Variants in LRRC72 observed in about 807,000 individuals in gnomAD.
LRRC72 encodes the protein leucine rich repeat containing 72, also known as leucine-rich repeat-containing protein 72.
LRRC72 carries 41 observed loss-of-function variants against 35.8 expected under a neutral mutation model. That is an observed-to-expected ratio of 1.15 (90% confidence interval 0.89 to 1.49). The LOEUF (loss-of-function observed/expected upper bound fraction) is 1.49, where lower values mean the gene tolerates loss of function less well. Ranked by LOEUF, LRRC72 falls within the 40% of genes most tolerant of loss-of-function variation. LRRC72 has a pLI of 0.00. For missense variants in LRRC72, 389 were observed against 330.7 expected, an observed-to-expected ratio of 1.18 and a Z score of -1.37; for synonymous variants, 118 against 119.2, an observed-to-expected ratio of 0.99 and a Z score of 0.07.
intron 7 of LRRC72, 52 bp downstream of exon 7, chr7:16,567,595 C>T: frequency 7.6e-7 from 1 of 1,313,034 alleles, no homozygotes; most frequent in Non-Finnish European, 9.9e-7. Context: ...TAAAACTCCT[C>T]AAACTTTTGG....
At chr7:16,573,666 G>C (rs952940628) in intron 7 of LRRC72, among the ~76,000 whole-genome samples, 1 of 152,072 alleles carries the variant, frequency 6.6e-6, no homozygotes, top group Admixed American at 6.6e-5. Flanking sequence ...AGATGGATTA[G>C]AGACTTAAAT....
intron 7 of LRRC72, among the ~76,000 whole-genome samples, chr7:16,576,690 A>T (rs1783046667): frequency 6.6e-6 from 1 of 152,212 alleles, no homozygotes. Context: ...CTATATGTAA[A>T]TGTAGAAAGA....
intron 1 of LRRC72, among the ~76,000 whole-genome samples, chr7:16,531,139 C>T (rs1446402571): frequency 6.7e-6 from 1 of 149,950 alleles, no homozygotes; most frequent in African/African-American, 2.5e-5. Context: ...GCTGAAATCA[C>T]ACCACTGTAC....
At chr7:16,534,575 T>C (rs1782221035) in intron 2 of LRRC72, among the ~76,000 whole-genome samples, 1 of 152,068 alleles carries the variant, frequency 6.6e-6, no homozygotes, top group South Asian at 2.1e-4. Flanking sequence ...ACTTTAAAGT[T>C]TTAGTGTATT....
chr7:16,544,192 C>G (rs1302700134), intron 3 of LRRC72, among the ~76,000 whole-genome samples: 3 of 152,008 alleles, frequency 2.0e-5, no homozygotes, highest in Non-Finnish European at 4.4e-5. Context: ...AAATTTGAAG[C>G]CTAGTATGCT....
chr7:16,566,552 A>C, intron 6 of LRRC72, 150 bp downstream of exon 6: 1 of 530,950 alleles, frequency 1.9e-6, no homozygotes. Context: ...TCAATTATTT[A>C]TTTTTGAAAG....
intron 3 of LRRC72, among the ~76,000 whole-genome samples, chr7:16,539,168 G>C (rs1486247830): frequency 6.6e-6 from 1 of 152,198 alleles, no homozygotes; most frequent in Non-Finnish European, 1.5e-5. Flanking sequence ...CCACAATACT[G>C]ATAGTGATAT....
Position 16,567,399 on chromosome 7 carries a change from GA to G in LRRC72, c.531del (p.Glu178LysfsTer5). The G allele has an allele frequency of 6.7e-7, 1 of 1,486,088 alleles. No homozygotes were observed. Among genetic ancestry groups the G allele is most frequent in the Non-Finnish European group, 9.0e-7 (1 of 1,116,888 alleles). 92.1% of individuals were successfully genotyped at this position (1,486,088 alleles called of 1,614,324 possible). A position where few individuals can be genotyped will look rare whatever the true frequency, so the allele number is the denominator to read the frequency against. On this transcript the variant is annotated frameshift_variant, in exon 7 of 9. Transcript: ENST00000401542. LOFTEE classifies it high-confidence loss of function. ...CTTTTTGCATTTATCAGAAGTTACA[GA>G]AAAAGAAAGAAGATCAATGATTACC... ...VELLDRNQVT[E>X]KERRSMITIF...
chr7:16,541,141 C>T (rs1199647742), intron 3 of LRRC72, among the ~76,000 whole-genome samples: 2 of 152,126 alleles, frequency 1.3e-5, no homozygotes, highest in East Asian at 3.9e-4. Flanking sequence ...AGAGCAAGAC[C>T]GAACTAAAAT....
intron 5 of LRRC72, among the ~76,000 whole-genome samples, chr7:16,562,357 GA>G (rs939461331): frequency 2.6e-5 from 4 of 151,874 alleles, no homozygotes; most frequent in African/African-American, 7.3e-5. Flanking sequence ...AGTACTAAGG[GA>G]AAAAAACCAC....
At chr7:16,562,859 T>C (rs1219419743) in intron 5 of LRRC72, among the ~76,000 whole-genome samples, 1 of 152,200 alleles carries the variant, frequency 6.6e-6, no homozygotes, top group Non-Finnish European at 1.5e-5. Flanking sequence ...GATATTCTGA[T>C]CCCTCCTCTC....
intron 7 of LRRC72, among the ~76,000 whole-genome samples, chr7:16,568,922 T>C (rs1240309680): frequency 5.3e-5 from 8 of 152,124 alleles, no homozygotes. Context: ...CCAACTCAAT[T>C]ATTATTCAAG....
intron 4 of LRRC72, among the ~76,000 whole-genome samples, chr7:16,558,036 G>C (rs1782680396): frequency 6.6e-6 from 1 of 152,136 alleles, no homozygotes; most frequent in East Asian, 1.9e-4. Flanking sequence ...GCTACGACAT[G>C]GCTATCAAAA....
intron 3 of LRRC72, among the ~76,000 whole-genome samples, chr7:16,548,630 C>T (rs929029949): frequency 6.6e-6 from 1 of 152,226 alleles, no homozygotes; most frequent in Non-Finnish European, 1.5e-5. Flanking sequence ...CTGCCACAGC[C>T]GGCTGGACCC....
intron 5 of LRRC72, among the ~76,000 whole-genome samples, chr7:16,561,953 T>A (rs1253769238): frequency 6.6e-6 from 1 of 152,224 alleles, no homozygotes. Flanking sequence ...TATAAAATTA[T>A]AAAGTGTTAT....
intron 3 of LRRC72, among the ~76,000 whole-genome samples, chr7:16,540,900 T>C (rs1782345721): frequency 6.6e-6 from 1 of 152,192 alleles, no homozygotes; most frequent in Non-Finnish European, 1.5e-5. Context: ...CTTGGGTAGT[T>C]CTTTATAGCA....
At chr7:16,560,465 G>A (rs895143259) in intron 5 of LRRC72, among the ~76,000 whole-genome samples, 16 of 152,118 alleles carry the variant, frequency 1.1e-4, no homozygotes, top group East Asian at 5.8e-4. Context: ...TTTTGGAGAC[G>A]TGAGAAGGCT....
chr7:16,558,713 TTAA>T (rs1251354251), intron 4 of LRRC72, among the ~76,000 whole-genome samples, 173 bp from the exon 5 acceptor site: 35 of 152,112 alleles, frequency 2.3e-4, no homozygotes, highest in South Asian at 2.1e-3. Flanking sequence ...TATTGTATTC[TTAA>T]TAATAATTTA....
At position 16,557,405 on chromosome 7, in the gene LRRC72, C is replaced by A; in HGVS notation, c.280C>A (p.Leu94Ile). 2 of 1,335,008 alleles carry A rather than the reference C, an allele frequency of 1.5e-6. No individual in the cohort carries two copies. Among genetic ancestry groups the A allele is most frequent in the East Asian group, 2.9e-5 (1 of 33,910 alleles). 82.7% of individuals were successfully genotyped at this position (1,335,008 alleles called of 1,614,324 possible). A position where few individuals can be genotyped will look rare whatever the true frequency, so the allele number is the denominator to read the frequency against. The stretch of plus-strand genomic sequence containing the variant: ...AACTAGAAACTATTGTCTGACAGAA[C>A]TATATCTAAACAACAATGCAATATT... ...FLTRNYCLTE[L>I]YLNNNAIFEI... The change falls in exon 4 of 9, where the codon CTA (leucine) becomes ATA (isoleucine). Residue 94 changes from leucine to isoleucine, a missense_variant. Coordinates refer to ENST00000401542, the MANE Select transcript of LRRC72 (RefSeq NM_001195280.2).
Sources: gnomAD v4.1 joint callset for allele counts (sites outside exome capture counted in the v4.1 genomes callset) on GRCh38, gnomAD v4.1.1 for gene constraint, MANE v1.5 for transcripts, NCBI Gene and HGNC (gene_info 2026-07-23, HGNC 2026-07-21) for gene names.